ZPBP: variants seen among roughly 807,000 people sequenced by gnomAD.
ZPBP encodes the protein zona pellucida-binding protein 1.
Under a neutral mutation model 44.8 loss-of-function variants are expected in ZPBP, and 26 were observed. That is an observed-to-expected ratio of 0.58 (90% confidence interval 0.43 to 0.81). ZPBP has a LOEUF of 0.81. Ranked by LOEUF, ZPBP falls within the 30% of genes least tolerant of loss-of-function variation. The probability of loss-of-function intolerance (pLI) is 0.00; values close to 1 mark genes in which losing one functional copy is unlikely to be tolerated. For synonymous variants in ZPBP, 174 were observed against 153.2 expected (o/e 1.14, Z -1.00); for missense variants, 409 against 434.0 (o/e 0.94, Z 0.51).
At chr7:50,053,813 C>G (rs1800803958) in intron 4 of ZPBP, among the ~76,000 whole-genome samples, 1 of 152,088 alleles carries the variant, frequency 6.6e-6, no homozygotes, top group Non-Finnish European at 1.5e-5. Flanking sequence ...CTTTGTCTAA[C>G]AAATAAAAGA....
intron 2 of ZPBP, among the ~76,000 whole-genome samples, chr7:49,880,022 G>T (rs1299561396): frequency 6.6e-6 from 1 of 152,044 alleles, no homozygotes; most frequent in East Asian, 1.9e-4. Context: ...ATGACCAGAG[G>T]GAGCATCATT....
At chr7:49,985,744 C>T (rs1797245990) in intron 6 of ZPBP, among the ~76,000 whole-genome samples, 1 of 152,108 alleles carries the variant, frequency 6.6e-6, no homozygotes, top group Non-Finnish European at 1.5e-5. Context: ...CCCCAACCCG[C>T]CCCACAAGTG....
chr7:49,912,098 C>T (rs201206664), intron 1 of ZPBP: 1 of 1,614,144 alleles, frequency 6.2e-7, no homozygotes, highest in Non-Finnish European at 8.5e-7. Context: ...CTGACGAGTG[C>T]ACCATATGCC....
intron 2 of ZPBP, among the ~76,000 whole-genome samples, chr7:49,871,756 T>A (rs2128723463): frequency 6.6e-6 from 1 of 152,088 alleles, no homozygotes; most frequent in East Asian, 1.9e-4. Context: ...TGGTTTGTTT[T>A]AAAAATATTG....
chr7:49,924,123 A>AAAT (rs933967216), intron 1 of ZPBP, among the ~76,000 whole-genome samples: 1 of 150,048 alleles, frequency 6.7e-6, no homozygotes, highest in African/African-American at 2.5e-5. Flanking sequence ...ACTCTGTCTC[A>AAAT]AATAATAATA....
chr7:50,056,131 A>G (rs949715186), intron 4 of ZPBP: 1 of 152,202 alleles, frequency 6.6e-6, no homozygotes, highest in Non-Finnish European at 1.5e-5. Flanking sequence ...TATCTTATTG[A>G]CACTGTAACA....
intron 3 of ZPBP, among the ~76,000 whole-genome samples, chr7:50,071,315 C>T (rs1801821345): frequency 6.6e-6 from 1 of 152,148 alleles, no homozygotes; most frequent in African/African-American, 2.4e-5. Flanking sequence ...AGCATTTAAA[C>T]CAGCCCAAAC....
chr7:49,842,435 G>C, the ZPBP span, among the ~76,000 whole-genome samples: 12 of 152,144 alleles, frequency 7.9e-5, no homozygotes, highest in African/African-American at 2.7e-4. Flanking sequence ...ACTGAAGTCA[G>C]TATAGGGGAG....
At position 50,089,644 on chromosome 7, in the gene ZPBP, A is replaced by T; in HGVS notation, c.193T>A (p.Ser65Thr). The change falls in exon 2 of 8, where the codon TCA becomes ACA. Residue 65 changes from serine (S) to threonine (T), a missense_variant. By Grantham distance (58) the Ser-to-Thr change is moderately conservative. This residue lies in a region of ZPBP where 367 missense variants were observed against 363.1 expected (regional missense o/e 1.01). Transcript: ENST00000046087. The stretch of plus-strand genomic sequence containing the variant: ...TTATGAATACCTGGAAAACTTGTTG[A>T]TCCCACTATTTTCACTGAATCTTTG... ...LTKDSVKIVGSTSFPVKAYVM... is the reference protein window; with the variant it reads ...LTKDSVKIVGTTSFPVKAYVM... 1 of 1,609,956 alleles carries T rather than the reference A, an allele frequency of 6.2e-7. No individual in the cohort carries two copies. Among genetic ancestry groups the T allele is most frequent in the South Asian group, 1.1e-5 (1 of 90,502 alleles).
intron 3 of ZPBP, among the ~76,000 whole-genome samples, chr7:50,074,194 A>C (rs541672573): frequency 1.3e-5 from 2 of 152,082 alleles, no homozygotes; most frequent in Non-Finnish European, 2.9e-5. Flanking sequence ...TTATGCAAAC[A>C]ATGTTAAGTT....
At chr7:49,895,731 G>GCGT (rs1554341244) in intron 2 of ZPBP, among the ~76,000 whole-genome samples, 1 of 151,528 alleles carries the variant, frequency 6.6e-6, no homozygotes, top group East Asian at 1.9e-4. Flanking sequence ...TTTTCTGCCT[G>GCGT]CATATTTCTT....
intron 2 of ZPBP, among the ~76,000 whole-genome samples, chr7:49,857,617 C>A (rs1170046217): frequency 6.6e-6 from 1 of 151,846 alleles, no homozygotes; most frequent in East Asian, 1.9e-4. Context: ...TCACAACTGT[C>A]AAAATGGCTA....
At position 49,983,502 on chromosome 7, in the gene ZPBP, C is replaced by A; in HGVS notation, c.801G>T (p.Glu267Asp). The A allele has an allele frequency of 1.2e-6, 2 of 1,603,324 alleles. No homozygotes were observed. The highest frequency in any genetic ancestry group is 1.7e-6 in the Non-Finnish European group (2 of 1,173,414). ...KRLFKAKNLI[E>D]RFFNQQVEIL... Reference sequence around the variant, plus strand: ...TTTCTACTTGTTGATTAAAAAATCTCTCTATGAGATTTTTAGCCTAAAACA... The same window carrying A: ...TTTCTACTTGTTGATTAAAAAATCTATCTATGAGATTTTTAGCCTAAAACA... Residue 267 changes from glutamate (E) to aspartate (D), a missense_variant, in exon 7 of 8, where the codon GAG (glutamate) becomes GAT (aspartate). By Grantham distance (45) the Glu-to-Asp change is conservative. This residue lies in a region of ZPBP where 367 missense variants were observed against 363.1 expected (regional missense o/e 1.01). Coordinates refer to ENST00000046087, the MANE Select transcript of ZPBP (RefSeq NM_007009.3).
At chr7:50,083,814 C>A (rs1411700519) in intron 2 of ZPBP, among the ~76,000 whole-genome samples, 1 of 151,774 alleles carries the variant, frequency 6.6e-6, no homozygotes. Flanking sequence ...ATACCTCTTA[C>A]CGTATATAAA....
At chr7:49,898,070 C>T (rs1792479471) in intron 2 of ZPBP, among the ~76,000 whole-genome samples, 2 of 152,022 alleles carry the variant, frequency 1.3e-5, no homozygotes, top group South Asian at 4.1e-4. Context: ...AACTTTAGCC[C>T]ACTATAGCCT....
At chr7:50,014,621 C>T (rs535888797) in intron 6 of ZPBP, among the ~76,000 whole-genome samples, 51 of 151,642 alleles carry the variant, frequency 3.4e-4, no homozygotes, top group Middle Eastern at 6.8e-3. Flanking sequence ...CCTACCACCA[C>T]GCCCGGCTAT....
At chr7:49,977,595 A>C (rs1249586247) in intron 7 of ZPBP, among the ~76,000 whole-genome samples, 1 of 152,196 alleles carries the variant, frequency 6.6e-6, no homozygotes, top group East Asian at 1.9e-4. Flanking sequence ...ACCGTGTCAT[A>C]AAGAAAGAAC....
chr7:49,933,719 G>A (rs1794529203), downstream of ZPBP, among the ~76,000 whole-genome samples: 1 of 152,120 alleles, frequency 6.6e-6, no homozygotes, highest in African/African-American at 2.4e-5. Flanking sequence ...ATACTATGCA[G>A]CCATAAAAAA....
chr7:50,093,224 C>G lies in ZPBP; in HGVS notation c.-30G>C, dbSNP rs751140598. 20 of 1,500,932 alleles carry G rather than the reference C, an allele frequency of 1.3e-5. No individual in the cohort carries two copies. The Admixed American group carries it at 4.4e-4, about 33-fold the overall frequency. The allele number at this position is 1,500,932 out of a possible 1,614,324, so 93.0% of individuals were successfully genotyped here. A position where few individuals can be genotyped will look rare whatever the true frequency, so the allele number is the denominator to read the frequency against. On this transcript the variant is annotated 5_prime_UTR_variant, in exon 1 of 8. Coordinates refer to ENST00000046087, the MANE Select transcript of ZPBP (RefSeq NM_007009.3). ...ACGCCGCCGTCGCCTGCCCACCGTC[C>G]GCGCGGAAGGTCGTTAGGCAACGCG...
Sources: gnomAD v4.1 joint callset for allele counts (sites outside exome capture counted in the v4.1 genomes callset) on GRCh38, gnomAD v4.1.1 for gene constraint, gnomAD v4.1.1 regional missense constraint, MANE v1.5 for transcripts, NCBI Gene and HGNC (gene_info 2026-07-23, HGNC 2026-07-21) for gene names.